MTUS2: variants seen among roughly 807,000 people sequenced by gnomAD.
MTUS2 encodes the protein microtubule-associated tumor suppressor candidate 2.
MTUS2 carries 40 observed loss-of-function variants against 114.1 expected under a neutral mutation model. The observed-to-expected ratio is 0.35, with a 90% CI of 0.27 to 0.46. The LOEUF (loss-of-function observed/expected upper bound fraction) is 0.46, where lower values mean the gene tolerates loss of function less well. Among genes scored for constraint, MTUS2 ranks in the 20% least tolerant of loss-of-function variants. The pLI is 1.00. For missense variants in MTUS2, 1,679 were observed against 1,705.4 expected (o/e 0.98, Z 0.27); for synonymous variants, 688 against 672.0 (o/e 1.02, Z -0.37).
rs187348009 is a variant in MTUS2 at position 29,287,778 on chromosome 13, A to G, written c.2806+5913A>G. 3.0e-3 allele frequency among the ~76,000 whole-genome samples: 456 copies of G among 152,294 alleles called. 1 individual carries two copies. Among genetic ancestry groups the G allele is most frequent in the African/African-American group, 0.011 (438 of 41,548 alleles). On this transcript the variant is annotated intron_variant, in intron 6 of 15. Coordinates refer to ENST00000612955, the MANE Select transcript of MTUS2 (RefSeq NM_001033602.4). The stretch of plus-strand genomic sequence containing the variant: ...AAAGCACATTGAATAGTTTCTCCAG[A>G]CTTACCAATTCAGTGATGAGGTTAG...
intron 8 of MTUS2, among the ~76,000 whole-genome samples, chr13:29,427,520 A>G (rs1309097043): frequency 6.6e-6 from 1 of 152,210 alleles, no homozygotes; most frequent in Non-Finnish European, 1.5e-5. Context: ...ATATTTTGAT[A>G]GGTACAGCCA....
chr13:29,248,606 C>G (rs1156374556), intron 5 of MTUS2, among the ~76,000 whole-genome samples: 2 of 152,116 alleles, frequency 1.3e-5, no homozygotes, highest in Non-Finnish European at 2.9e-5. Context: ...CATGCATTAG[C>G]TATTTGCCCT....
intron 2 of MTUS2, among the ~76,000 whole-genome samples, chr13:28,915,798 TTGATA>T: frequency 6.6e-6 from 1 of 151,970 alleles, no homozygotes; most frequent in Admixed American, 6.6e-5. Context: ...GCTTTTTAAC[TTGATA>T]TGATCTCATT....
intron 5 of MTUS2, among the ~76,000 whole-genome samples, chr13:29,168,252 G>T (rs578194298): frequency 6.6e-6 from 1 of 152,226 alleles, no homozygotes; most frequent in South Asian, 2.1e-4. Flanking sequence ...TATGATTTGT[G>T]CTTGTTATGG....
chr13:29,394,269 C>A (rs529727593), intron 8 of MTUS2, among the ~76,000 whole-genome samples: 1 of 152,056 alleles, frequency 6.6e-6, no homozygotes, highest in African/African-American at 2.4e-5. Context: ...TTTAGGGGGA[C>A]AAAAGTTACA....
At chr13:29,400,829 A>C (rs1428265317) in intron 8 of MTUS2, among the ~76,000 whole-genome samples, 1 of 152,180 alleles carries the variant, frequency 6.6e-6, no homozygotes, top group Non-Finnish European at 1.5e-5. Flanking sequence ...AAGAATGTCA[A>C]ATCTTTGCAC....
chr13:29,330,281 G>T (rs1900716635), intron 7 of MTUS2, among the ~76,000 whole-genome samples: 1 of 152,036 alleles, frequency 6.6e-6, no homozygotes, highest in African/African-American at 2.4e-5. Context: ...CTTTTTGATG[G>T]GGTTGTTTGC....
In MTUS2 at chr13:29,389,353, A is replaced by G. The variant is rs1402545709; in HGVS notation, c.3117+29880A>G. On this transcript the variant is annotated intron_variant, in intron 8 of 15. Coordinates refer to ENST00000612955, the MANE Select transcript of MTUS2 (RefSeq NM_001033602.4). ...TGTATATATGTATGCACGTGTGTGT[A>G]TATATGTATGCACGTGTGTGTATAT... 6.5e-3 allele frequency among the ~76,000 whole-genome samples: 494 copies of G among 75,492 alleles called. 44 individuals carry two copies. The highest frequency in any genetic ancestry group is 7.9e-3 in the Non-Finnish European group (302 of 38,394). The allele number at this position is 75,492 out of a possible 152,430, so 49.5% of individuals were successfully genotyped here. A position where few individuals can be genotyped will look rare whatever the true frequency, so the allele number is the denominator to read the frequency against.
chr13:29,153,719 C>T (rs1892751143), intron 5 of MTUS2, among the ~76,000 whole-genome samples: 1 of 152,202 alleles, frequency 6.6e-6, no homozygotes, highest in African/African-American at 2.4e-5. Flanking sequence ...AATTCTCTTC[C>T]TCCTGCATCC....
intron 4 of MTUS2, among the ~76,000 whole-genome samples, chr13:29,082,747 A>G (rs986384421): frequency 6.6e-6 from 1 of 152,156 alleles, no homozygotes; most frequent in Non-Finnish European, 1.5e-5. Context: ...TTCTCTTCTC[A>G]GGAGAGATCA....
At chr13:29,383,252 G>GTGTGTGTGTGTGTGTGTGTT (rs5802519) in intron 8 of MTUS2, among the ~76,000 whole-genome samples, 1 of 135,916 alleles carries the variant, frequency 7.4e-6, no homozygotes. Context: ...GTGTGTGTGT[G>GTGTGTGTGTGTGTGTGTGTT]TATTTATTTT....
chr13:29,199,556 G>A (rs1239694179), intron 5 of MTUS2, among the ~76,000 whole-genome samples: 2 of 152,122 alleles, frequency 1.3e-5, no homozygotes, highest in Non-Finnish European at 2.9e-5. Flanking sequence ...GATCATGGTG[G>A]ATAAGCTTTT....
At chr13:29,363,176 A>G (rs1566155118) in intron 8 of MTUS2, among the ~76,000 whole-genome samples, 1 of 151,554 alleles carries the variant, frequency 6.6e-6, no homozygotes, top group Non-Finnish European at 1.5e-5. Context: ...CCGTAATGCT[A>G]CTCTTTAGCA....
At chr13:29,497,473 C>T in intron 13 of MTUS2, 137 bp downstream of exon 13, 1 of 707,644 alleles carries the variant, frequency 1.4e-6, no homozygotes, top group Non-Finnish European at 2.4e-6. Flanking sequence ...TCACGACCTC[C>T]CCTGGATTTT....
chr13:28,968,677 C>T (rs1425289447), intron 2 of MTUS2, among the ~76,000 whole-genome samples: 6 of 152,228 alleles, frequency 3.9e-5, no homozygotes, highest in South Asian at 2.1e-4. Context: ...TTATATGACT[C>T]GTGCCTTACA....
intron 4 of MTUS2, among the ~76,000 whole-genome samples, chr13:29,053,245 T>G (rs1162306202): frequency 6.6e-6 from 1 of 152,214 alleles, no homozygotes; most frequent in Non-Finnish European, 1.5e-5. Context: ...ATTGTTCTTT[T>G]GTTTTCTTCA....
At chr13:28,822,359 G>A (rs901584975) in intron 1 of MTUS2, among the ~76,000 whole-genome samples, 1 of 152,110 alleles carries the variant, frequency 6.6e-6, no homozygotes, top group Non-Finnish European at 1.5e-5. Flanking sequence ...GGAGGATGCC[G>A]AAACCCACTC....
chr13:29,006,621 T>C (rs1388712481), intron 2 of MTUS2, among the ~76,000 whole-genome samples: 1 of 152,158 alleles, frequency 6.6e-6, no homozygotes, highest in African/African-American at 2.4e-5. Flanking sequence ...TTTGTATGGA[T>C]GGTGGCCATT....
At chr13:29,356,541 T>TG (rs1437350961) in intron 7 of MTUS2, among the ~76,000 whole-genome samples, 1 of 152,188 alleles carries the variant, frequency 6.6e-6, no homozygotes, top group African/African-American at 2.4e-5. Context: ...TGTTTCACCC[T>TG]GGGGACGGTA....
Sources: allele counts gnomAD v4.1 joint callset (sites outside exome capture counted in the v4.1 genomes callset), GRCh38; gene constraint gnomAD v4.1.1; transcripts MANE v1.5; gene names NCBI Gene and HGNC (gene_info 2026-07-23, HGNC 2026-07-21).